IL1RAPL1: variants seen among roughly 807,000 people sequenced by gnomAD.
IL1RAPL1 encodes the protein interleukin 1 receptor accessory protein like 1, also known as interleukin-1 receptor accessory protein-like 1.
A neutral mutation model predicts 48.4 loss-of-function variants in IL1RAPL1; 3 were observed. The observed-to-expected ratio is 0.06, with a 90% CI of 0.03 to 0.16. The LOEUF (loss-of-function observed/expected upper bound fraction) is 0.16, where lower values mean the gene tolerates loss of function less well. Among genes scored for constraint, IL1RAPL1 ranks in the 10% least tolerant of loss-of-function variants. IL1RAPL1 has a pLI of 1.00. For synonymous variants in IL1RAPL1, 185 were observed against 187.7 expected (o/e 0.99, Z 0.12); for missense variants, 349 against 530.6 (o/e 0.66, Z 3.36).
intron 2 of IL1RAPL1, among the ~76,000 whole-genome samples, chrX:28,849,744 T>G (rs1244481942): frequency 2.7e-5 from 3 of 111,995 alleles, no homozygotes; most frequent in African/African-American, 9.7e-5. Flanking sequence ...TAGGTGGTCT[T>G]TCTTGCTCAT....
Position 29,506,964 on chromosome X carries a change from T to C in IL1RAPL1, c.703+107656T>C, listed in dbSNP as rs758238799. 8.1e-5 allele frequency among the ~76,000 whole-genome samples: 9 copies of C among 110,460 alleles called. No individual in the cohort carries two copies. In the East Asian group the frequency reaches 2.6e-3, roughly 32 times the overall value. On this transcript the variant is annotated intron_variant, in intron 5 of 10. Transcript: ENST00000378993. ...GTGGGGACATTTTTTTTTGCATACT[T>C]GGTGCCAGGTAGATTAGAGGAGAGG...
chrX:29,481,524 T>C (rs1420453588), intron 5 of IL1RAPL1, among the ~76,000 whole-genome samples: 1 of 112,349 alleles, frequency 8.9e-6, no homozygotes, highest in Non-Finnish European at 1.9e-5. Context: ...GGTGCTGGTG[T>C]GGAGAATCTG....
At chrX:29,202,184 A>AT (rs1323572788) in intron 2 of IL1RAPL1, among the ~76,000 whole-genome samples, 4 of 112,248 alleles carry the variant, frequency 3.6e-5, no homozygotes, top group African/African-American at 1.3e-4. Flanking sequence ...GAACAATCCT[A>AT]TAAAAAAGTG....
intron 6 of IL1RAPL1, among the ~76,000 whole-genome samples, chrX:29,801,142 A>G (rs1929895634): frequency 9.4e-6 from 1 of 106,336 alleles, no homozygotes; most frequent in East Asian, 2.9e-4. Context: ...TCTAGATTCA[A>G]GCAAGGCATG....
intron 2 of IL1RAPL1, among the ~76,000 whole-genome samples, chrX:28,830,225 T>A (rs986200943): frequency 8.9e-6 from 1 of 111,936 alleles, no homozygotes; most frequent in Admixed American, 9.5e-5. Context: ...TTAATTCTTT[T>A]TTAAATGCTT....
At position 29,399,161 on chromosome X, in the gene IL1RAPL1, A is replaced by C. The variant is rs750849169; in HGVS notation, c.556A>C (p.Arg186=). The C allele has an allele frequency of 2.5e-6, 3 of 1,200,836 alleles. No homozygotes were observed. The highest frequency in any genetic ancestry group is 4.4e-5 in the Admixed American group (2 of 45,758). Residue 186 remains arginine, a synonymous_variant, in exon 5 of 11, where the codon AGG becomes CGG. Transcript: ENST00000378993. ...EPEILWYKEC[R]TKTWRPSIVF... Reference sequence around the variant, plus strand: ...TTGTATGTTCTTCATATAGGAATGCAGGACAAAAACATGGAGGCCAAGTAT... The same window carrying C: ...TTGTATGTTCTTCATATAGGAATGCCGGACAAAAACATGGAGGCCAAGTAT...
chrX:28,804,259 T>C (rs1936704183), intron 2 of IL1RAPL1, among the ~76,000 whole-genome samples: 1 of 111,714 alleles, frequency 9.0e-6, no homozygotes, highest in South Asian at 3.7e-4. Flanking sequence ...GCAACTGGAC[T>C]GAATTCTCTG....
intron 2 of IL1RAPL1, among the ~76,000 whole-genome samples, chrX:28,866,445 G>A (rs936894721): frequency 6.3e-5 from 7 of 111,257 alleles, no homozygotes; most frequent in African/African-American, 2.3e-4. Context: ...CTCGGGTAAT[G>A]AGTGCATCAG....
At chrX:28,889,103 T>C (rs1238404601) in intron 2 of IL1RAPL1, among the ~76,000 whole-genome samples, 1 of 111,545 alleles carries the variant, frequency 9.0e-6, no homozygotes, top group African/African-American at 3.2e-5. Flanking sequence ...AATTGTCCTA[T>C]TTTGGGGTTC....
intron 6 of IL1RAPL1, among the ~76,000 whole-genome samples, chrX:29,792,208 T>C (rs1259161676): frequency 8.9e-6 from 1 of 111,863 alleles, no homozygotes; most frequent in African/African-American, 3.3e-5. Flanking sequence ...TCAGGAGAGA[T>C]ACATAAATCA....
chrX:28,672,959 C>A (rs921232867), intron 1 of IL1RAPL1, among the ~76,000 whole-genome samples: 3 of 111,494 alleles, frequency 2.7e-5, no homozygotes, highest in African/African-American at 9.8e-5. Flanking sequence ...CTCCCACCCT[C>A]CACCTTCTGA....
chrX:28,653,959 A>ATGTGG (rs1214041556), intron 1 of IL1RAPL1, among the ~76,000 whole-genome samples: 1 of 111,669 alleles, frequency 9.0e-6, no homozygotes, highest in Non-Finnish European at 1.9e-5. Context: ...GGTTCATTCT[A>ATGTGG]TGTGGCCTGC....
At chrX:29,632,925 T>A (rs773044289) in intron 5 of IL1RAPL1, among the ~76,000 whole-genome samples, 53 of 112,341 alleles carry the variant, frequency 4.7e-4, no homozygotes, top group African/African-American at 1.6e-3. Flanking sequence ...ACTCTCAAGC[T>A]TTGCTACTGG....
chrX:29,805,549 T>C (rs772862411), intron 6 of IL1RAPL1, among the ~76,000 whole-genome samples: 4 of 111,489 alleles, frequency 3.6e-5, no homozygotes, highest in Non-Finnish European at 7.5e-5. Flanking sequence ...AAACGATCTA[T>C]ATTTAAATTT....
At chrX:29,133,012 A>G (rs1008980819) in intron 2 of IL1RAPL1, among the ~76,000 whole-genome samples, 4 of 111,297 alleles carry the variant, frequency 3.6e-5, no homozygotes. Context: ...TCTTTCTTTC[A>G]TGCCATAATA....
chrX:29,338,758 G>A (rs941760230), intron 3 of IL1RAPL1, among the ~76,000 whole-genome samples: 13 of 110,599 alleles, frequency 1.2e-4, no homozygotes, highest in African/African-American at 4.0e-4. Flanking sequence ...TCATTTCTCT[G>A]AGTCCCTGTG....
At chrX:29,879,381 GTGTGTGTGTGTGTGTA>G (rs1200718743) in intron 6 of IL1RAPL1, among the ~76,000 whole-genome samples, 2 of 101,217 alleles carry the variant, frequency 2.0e-5, no homozygotes, top group Admixed American at 2.1e-4. Context: ...GTGTGTGTGT[GTGTGTGTGTGTGTGTA>G]TATATATATA....
At chrX:29,683,839 A>G (rs956917734) in intron 6 of IL1RAPL1, among the ~76,000 whole-genome samples, 1 of 112,420 alleles carries the variant, frequency 8.9e-6, no homozygotes, top group Admixed American at 9.4e-5. Context: ...ATGTTTCTGT[A>G]TTATCCAGTT....
chrX:29,557,672 A>G (rs1323644955), intron 5 of IL1RAPL1, among the ~76,000 whole-genome samples: 1 of 110,940 alleles, frequency 9.0e-6, no homozygotes, highest in Admixed American at 9.6e-5. Context: ...ACATCTCCCC[A>G]TTTTCCCTAC....
Sources: gnomAD v4.1 joint callset for allele counts (sites outside exome capture counted in the v4.1 genomes callset) on GRCh38, gnomAD v4.1.1 for gene constraint, MANE v1.5 for transcripts, NCBI Gene and HGNC (gene_info 2026-07-23, HGNC 2026-07-21) for gene names.